MYH9: variants seen among roughly 807,000 people sequenced by gnomAD.
MYH9 encodes myosin-9.
A neutral mutation model predicts 241.9 loss-of-function variants in MYH9; 29 were observed. The ratio of observed to expected loss-of-function variants is 0.12; its 90% confidence interval spans 0.09 to 0.16. MYH9 has a LOEUF of 0.16. Ranked by LOEUF, MYH9 falls within the 10% of genes least tolerant of loss-of-function variation. The pLI, the probability that MYH9 is intolerant of heterozygous loss-of-function variation, is 1.00. For missense variants in MYH9, 1,803 were observed against 2,595.5 expected, an observed-to-expected ratio of 0.69 and a Z score of 6.63; for synonymous variants, 1,047 against 1,062.6, an observed-to-expected ratio of 0.99 and a Z score of 0.29.
chr22:36,374,733 G>A (rs989503842), intron 1 of MYH9, among the ~76,000 whole-genome samples: 3 of 152,210 alleles, frequency 2.0e-5, no homozygotes, highest in African/African-American at 7.2e-5. Flanking sequence ...AATGGGGCAA[G>A]GAAACAAGCC....
chr22:36,348,671 C>T (rs1462947031), intron 2 of MYH9, among the ~76,000 whole-genome samples: 5 of 152,136 alleles, frequency 3.3e-5, no homozygotes, highest in Admixed American at 2.0e-4. Flanking sequence ...TGTTCTAAAA[C>T]AGGCTTCCTG....
intron 23 of MYH9, among the ~76,000 whole-genome samples, chr22:36,299,914 C>T (rs2016847583): frequency 1.3e-5 from 2 of 152,206 alleles, no homozygotes; most frequent in African/African-American, 4.8e-5. Flanking sequence ...AAAGGACAAA[C>T]CCTTCCCCAG....
chr22:36,336,188 C>T (rs1055210548), intron 3 of MYH9, among the ~76,000 whole-genome samples: 4 of 152,200 alleles, frequency 2.6e-5, no homozygotes, highest in African/African-American at 9.6e-5. Context: ...GAAAGTGAAC[C>T]AAACCTGGCA....
intron 1 of MYH9, among the ~76,000 whole-genome samples, chr22:36,361,845 G>A (rs1369317775): frequency 6.6e-6 from 1 of 152,198 alleles, no homozygotes; most frequent in Non-Finnish European, 1.5e-5. Flanking sequence ...GACAAGGCAG[G>A]TAGATCACGA....
At chr22:36,344,472 C>G (rs2146387768) in intron 2 of MYH9, among the ~76,000 whole-genome samples, 1 of 152,120 alleles carries the variant, frequency 6.6e-6, no homozygotes. Context: ...CAGCACCTCC[C>G]CATCCAGGCG....
At position 36,318,250 on chromosome 22, in the gene MYH9, T is replaced by C. The variant is rs1603483387; in HGVS notation, c.1184A>G (p.Lys395Arg). Residue 395 changes from lysine (K) to arginine (R), a missense_variant, in exon 11 of 41, where the codon AAG (lysine) becomes AGG (arginine). Physicochemically the swap from Lys to Arg is conservative, Grantham distance 26 (BLOSUM62 2). Around this residue, in one of 11 missense-constraint regions of MYH9, gnomAD observed 222 missense variants for 359.9 expected, o/e 0.62. Transcript: ENST00000216181. ...CTTCTGGACGTAATCCCGTCCCACC[T>C]TGATGCGCGGGGTGAGGATTCCTCT... ...FTRGILTPRIKVGRDYVQKAQ... is the reference protein window; with the variant it reads ...FTRGILTPRIRVGRDYVQKAQ... The C allele has an allele frequency of 6.2e-7, 1 of 1,614,134 alleles. No homozygotes were observed.
chr22:36,336,063 G>A (rs2017492950), intron 3 of MYH9, among the ~76,000 whole-genome samples: 4 of 152,190 alleles, frequency 2.6e-5, no homozygotes. Flanking sequence ...AAGGGAGACT[G>A]GCACAGAGCA....
At chr22:36,367,274 C>T (rs902595473) in intron 1 of MYH9, among the ~76,000 whole-genome samples, 55 of 152,136 alleles carry the variant, frequency 3.6e-4, no homozygotes, top group African/African-American at 1.3e-3. Flanking sequence ...CCACGTGGCA[C>T]GGGAGGGAGG....
rs2016511887 is a variant in MYH9 at position 36,282,707 on chromosome 22, A to G, written c.5844T>C (p.Asp1948=). The stretch of plus-strand genomic sequence containing the variant: ...TGGCCTCAGCCCCATCCGCTTTGCC[A>G]TCTACCTCTTCGTCGGAGCCATCCC... ...GAGDGSDEEV[D]GKADGAEAKP... Residue 1948 remains aspartate, a synonymous_variant, in exon 41 of 41, where the codon GAT becomes GAC. Transcript: ENST00000216181. 1 of 1,614,044 alleles carries G rather than the reference A, an allele frequency of 6.2e-7. No homozygotes were observed. The highest frequency in any genetic ancestry group is 8.5e-7 in the Non-Finnish European group (1 of 1,180,034).
chr22:36,322,303 C>T, intron 6 of MYH9, 126 bp downstream of exon 6: 3 of 1,059,070 alleles, frequency 2.8e-6, no homozygotes, highest in Non-Finnish European at 4.4e-6. Flanking sequence ...ACACGACAGG[C>T]CAGATAGCAC....
intron 3 of MYH9, among the ~76,000 whole-genome samples, chr22:36,338,387 C>A (rs13057792): frequency 6.6e-6 from 1 of 152,158 alleles, no homozygotes; most frequent in African/African-American, 2.4e-5. Context: ...TAGCAGAAGG[C>A]AAAGTGAAAA....
rs553943610 is a variant in MYH9, at chr22:36,310,716, G to A, written c.1729-1320C>T. On this transcript the variant is annotated intron_variant, in intron 14 of 40. Coordinates refer to ENST00000216181, the MANE Select transcript of MYH9 (RefSeq NM_002473.6). ...TTTTAGCGGCCACAGCACAGCCCAC[G>A]GAAAGACGCACCACAGTTGATGCCA... 1.3e-3 allele frequency among the ~76,000 whole-genome samples: 199 copies of A among 152,342 alleles called. 1 individual carries two copies. The highest frequency in any genetic ancestry group is 3.4e-3 in the Middle Eastern group (1 of 294).
Position 36,285,602 on chromosome 22 carries a change from G to A in MYH9, c.5274+56C>T. 1.2e-6 allele frequency: 2 copies of A among 1,608,208 alleles called. No individual in the cohort carries two copies. Among genetic ancestry groups the A allele is most frequent in the Non-Finnish European group, 1.7e-6 (2 of 1,179,496 alleles). ...CTTCTGCCGGCTGGGTCCAAGGCCAGCTCTGCCGTGGTGGCTCCAGCCAGA... is the reference window on the plus strand; with the variant it reads ...CTTCTGCCGGCTGGGTCCAAGGCCAACTCTGCCGTGGTGGCTCCAGCCAGA... On this transcript the variant is annotated intron_variant, in intron 37 of 40. Coordinates refer to ENST00000216181, the MANE Select transcript of MYH9 (RefSeq NM_002473.6). This position sits in a 1 kb window ranked among gnomAD's most constrained non-coding sequence, Gnocchi z 7.0.
intron 23 of MYH9, 53 bp from the exon 24 acceptor site, chr22:36,299,095 T>G (rs369967273): frequency 1.9e-6 from 3 of 1,611,728 alleles, no homozygotes; most frequent in African/African-American, 2.7e-5. Context: ...ACAGAACACT[T>G]GCTAGCCTCA....
chr22:36,299,459 G>A (rs1443776456), intron 23 of MYH9, among the ~76,000 whole-genome samples: 11 of 152,142 alleles, frequency 7.2e-5, no homozygotes, highest in Admixed American at 1.3e-4. Context: ...TCAGCCCCGC[G>A]GTGCCCCGGG....
intron 1 of MYH9, among the ~76,000 whole-genome samples, chr22:36,350,667 A>G (rs144162283): frequency 3.2e-4 from 48 of 152,374 alleles, no homozygotes; most frequent in African/African-American, 1.1e-3. Context: ...GGTAAGGTAT[A>G]TATTATTACC....
intron 40 of MYH9, 72 bp from the exon 41 acceptor site, chr22:36,282,857 C>A: frequency 7.5e-7 from 1 of 1,338,626 alleles, no homozygotes; most frequent in Non-Finnish European, 1.0e-6. Flanking sequence ...ACAGCCCACA[C>A]ATCTCAAAGT....
chr22:36,309,662 G>A (rs1310045351), intron 14 of MYH9, among the ~76,000 whole-genome samples: 1 of 152,204 alleles, frequency 6.6e-6, no homozygotes, highest in Non-Finnish European at 1.5e-5. Flanking sequence ...ATGGCATGGT[G>A]GCCACACAGT....
At chr22:36,354,853 G>C (rs1343012781) in intron 1 of MYH9, among the ~76,000 whole-genome samples, 1 of 151,886 alleles carries the variant, frequency 6.6e-6, no homozygotes, top group Non-Finnish European at 1.5e-5. Flanking sequence ...TTTTCCAAAA[G>C]GGCTGAATCG....
Sources: allele counts gnomAD v4.1 joint callset (sites outside exome capture counted in the v4.1 genomes callset), GRCh38; gene constraint gnomAD v4.1.1; regional missense constraint gnomAD v4.1.1; non-coding constraint Gnocchi (gnomAD v3.1); transcripts MANE v1.5; gene names NCBI Gene and HGNC (gene_info 2026-07-23, HGNC 2026-07-21).